ASTN2: variants seen among roughly 807,000 people sequenced by gnomAD.
ASTN2 encodes astrotactin-2.
ASTN2 carries 54 observed loss-of-function variants against 139.8 expected under a neutral mutation model. The ratio of observed to expected loss-of-function variants is 0.39; its 90% CI spans 0.31 to 0.48. ASTN2 has a LOEUF of 0.48. Ranked by LOEUF, ASTN2 falls within the 20% of genes least tolerant of loss-of-function variation. The pLI is 0.95. For synonymous variants in ASTN2, 756 were observed against 719.5 expected (o/e 1.05, Z -0.81); for missense variants, 1,565 against 1,725.1 (o/e 0.91, Z 1.64).
chr9:116,486,430 G>A (rs973978168), intron 20 of ASTN2, among the ~76,000 whole-genome samples: 2 of 151,998 alleles, frequency 1.3e-5, no homozygotes, highest in Admixed American at 1.3e-4. Context: ...AGGGAAAGAG[G>A]GAAGAAGGGC....
intron 3 of ASTN2, chr9:117,180,884 C>T: frequency 1.3e-6 from 2 of 1,585,510 alleles, no homozygotes; most frequent in South Asian, 1.1e-5. Flanking sequence ...TTGAACTTGG[C>T]CCTGCGCAGG....
At chr9:116,618,196 T>C (rs1855947966) in intron 19 of ASTN2, 128 bp downstream of exon 19, 2 of 1,047,406 alleles carry the variant, frequency 1.9e-6, no homozygotes, top group African/African-American at 1.6e-5. Context: ...CAGCGAAAAA[T>C]CACTAAACAA....
At chr9:117,079,531 C>T (rs1030406950) in intron 5 of ASTN2, among the ~76,000 whole-genome samples, 2 of 152,072 alleles carry the variant, frequency 1.3e-5, no homozygotes, top group African/African-American at 2.4e-5. Flanking sequence ...GGAAAGAGCC[C>T]TTTACTCACA....
intron 20 of ASTN2, among the ~76,000 whole-genome samples, chr9:116,472,910 G>A (rs951139253): frequency 5.1e-5 from 7 of 137,322 alleles, no homozygotes; most frequent in Non-Finnish European, 7.7e-5. Flanking sequence ...CTGGGCAACA[G>A]AGCGAGACTC....
At chr9:117,085,484 G>A (rs1205888179) in intron 5 of ASTN2, among the ~76,000 whole-genome samples, 22 of 152,286 alleles carry the variant, frequency 1.4e-4, no homozygotes, top group Middle Eastern at 3.4e-3. Context: ...ATAGGCTCTC[G>A]ATAAACTGGG....
At chr9:117,202,012 T>C (rs926964479) in intron 3 of ASTN2, among the ~76,000 whole-genome samples, 3 of 152,214 alleles carry the variant, frequency 2.0e-5, no homozygotes, top group African/African-American at 4.8e-5. Flanking sequence ...GTTTTATGAA[T>C]CTGGGTGCTC....
At chr9:116,911,671 G>A (rs905952618) in intron 10 of ASTN2, among the ~76,000 whole-genome samples, 4 of 152,156 alleles carry the variant, frequency 2.6e-5, no homozygotes, top group Admixed American at 6.5e-5. Flanking sequence ...TTGGGAGGCC[G>A]AGGCAGGCGG....
chr9:116,827,088 T>A (rs1323915413), intron 11 of ASTN2, among the ~76,000 whole-genome samples: 2 of 151,910 alleles, frequency 1.3e-5, no homozygotes, highest in African/African-American at 4.8e-5. Flanking sequence ...GGTGGGCGGA[T>A]CACCTAAGGT....
rs540598027 is a variant in ASTN2, at chr9:116,888,135, G to A, written c.1890-24402C>T. Among the ~76,000 whole-genome samples the A allele has an allele frequency of 2.6e-5, 4 of 152,232 alleles. No homozygotes were observed. The East Asian group carries it at 7.7e-4, about 29-fold the overall frequency. The stretch of plus-strand genomic sequence containing the variant: ...TTCATTAGACCTGGCATGGTGGGTG[G>A]CTCATGGCTACAATCTCAACAGATT... On this transcript the variant is annotated intron_variant, in intron 10 of 22. Coordinates refer to ENST00000313400, the MANE Select transcript of ASTN2 (RefSeq NM_001365068.1).
intron 5 of ASTN2, among the ~76,000 whole-genome samples, chr9:117,049,439 C>A (rs971561452): frequency 6.6e-6 from 1 of 152,208 alleles, no homozygotes; most frequent in African/African-American, 2.4e-5. Context: ...AACCACCATT[C>A]TGTGGAACAA....
chr9:117,215,669 A>G (rs766829826), intron 2 of ASTN2, among the ~76,000 whole-genome samples: 4 of 152,092 alleles, frequency 2.6e-5, no homozygotes, highest in Non-Finnish European at 4.4e-5. Flanking sequence ...TGTAATCCCC[A>G]TAACACCTGT....
At chr9:116,795,230 G>A (rs976687126) in intron 13 of ASTN2, among the ~76,000 whole-genome samples, 4 of 152,114 alleles carry the variant, frequency 2.6e-5, no homozygotes, top group Admixed American at 1.3e-4. Context: ...CACCCGCCTC[G>A]GCTTCCCAAA....
chr9:117,180,627 C>CT (rs372662181), intron 3 of ASTN2: 249,802 of 928,858 alleles, frequency 0.27, 12,005 homozygotes, highest in African/African-American at 0.33. Flanking sequence ...TCTGGAGTAT[C>CT]TTTTTTTTTT....
intron 5 of ASTN2, among the ~76,000 whole-genome samples, chr9:117,060,581 A>AAGGCAGGCAGGC (rs201118304): frequency 1.7e-5 from 2 of 120,716 alleles, no homozygotes; most frequent in African/African-American, 3.4e-5. Context: ...GGAGGGAAAG[A>AAGGCAGGCAGGC]AGGCAGGAAG....
intron 19 of ASTN2, among the ~76,000 whole-genome samples, chr9:116,525,123 G>A (rs955901328): frequency 2.6e-5 from 4 of 152,154 alleles, no homozygotes; most frequent in Admixed American, 6.5e-5. Flanking sequence ...TGTCTCAGAC[G>A]GAGATGAGGA....
At chr9:117,084,274 G>A (rs763621274) in intron 5 of ASTN2, among the ~76,000 whole-genome samples, 4 of 152,146 alleles carry the variant, frequency 2.6e-5, no homozygotes, top group African/African-American at 4.8e-5. Flanking sequence ...TTCTCTGTCC[G>A]TGAGAGAAAC....
intron 1 of ASTN2, among the ~76,000 whole-genome samples, chr9:117,411,346 C>T (rs1831154628): frequency 7.0e-6 from 1 of 142,474 alleles, no homozygotes; most frequent in Non-Finnish European, 1.5e-5. Context: ...CCCAGGCAAA[C>T]AAACTTTGGA....
At chr9:117,241,211 A>G (rs1023286806) in intron 2 of ASTN2, among the ~76,000 whole-genome samples, 1 of 152,228 alleles carries the variant, frequency 6.6e-6, no homozygotes, top group Non-Finnish European at 1.5e-5. Flanking sequence ...CGGAGTCGGC[A>G]TGACTCATGA....
At chr9:116,999,453 T>C (rs1166331039) in intron 7 of ASTN2, among the ~76,000 whole-genome samples, 1 of 151,758 alleles carries the variant, frequency 6.6e-6, no homozygotes, top group East Asian at 1.9e-4. Flanking sequence ...ATACTCAAGG[T>C]CGACTGGCAA....
Sources: allele counts gnomAD v4.1 joint callset (sites outside exome capture counted in the v4.1 genomes callset), GRCh38; gene constraint gnomAD v4.1.1; transcripts MANE v1.5; gene names NCBI Gene and HGNC (gene_info 2026-07-23, HGNC 2026-07-21).